TXLNA: variants seen among roughly 807,000 people sequenced by gnomAD.
TXLNA encodes taxilin alpha.
A neutral mutation model predicts 61.4 loss-of-function variants in TXLNA; 9 were observed. The observed-to-expected ratio is 0.15, with a 90% CI of 0.09 to 0.26. The LOEUF is 0.26. Ranked by LOEUF, TXLNA falls within the 10% of genes least tolerant of loss-of-function variation. TXLNA has a pLI of 1.00. For synonymous variants in TXLNA, 257 were observed against 267.7 expected, an observed-to-expected ratio of 0.96 and a Z score of 0.39; for missense variants, 565 against 688.8, an observed-to-expected ratio of 0.82 and a Z score of 2.01.
chr1:32,193,106 A>G (rs576264820), intron 8 of TXLNA, 102 bp from the exon 9 acceptor site: 12 of 779,354 alleles, frequency 1.5e-5, no homozygotes, highest in South Asian at 8.4e-5. Context: ...TAGTATCTCA[A>G]TAGAATTACT....
In TXLNA at chr1:32,190,099, G is replaced by T; in HGVS notation, c.813G>T (p.Lys271Asn). ...CCCGGGAGGAGGAGGAGAAGCGCAA[G>T]GAGGTGACCTCGCACTTCCAGGTGA... ...QRAREEEEKR[K>N]EVTSHFQVTL... The change falls in exon 6 of 11, where the codon AAG (lysine) becomes AAT (asparagine). Residue 271 changes from lysine to asparagine, a missense_variant. By Grantham distance (94) the Lys-to-Asn change is moderately conservative. Transcript: ENST00000373610. 6.3e-7 allele frequency: 1 copy of T among 1,591,766 alleles called. No homozygotes were observed. The highest frequency in any genetic ancestry group is 1.3e-5 in the African/African-American group (1 of 74,880).
In TXLNA at chr1:32,192,331, A is replaced by C; in HGVS notation, c.984A>C (p.Lys328Asn). 6.2e-7 allele frequency: 1 copy of C among 1,614,184 alleles called. No homozygotes were observed. The highest frequency in any genetic ancestry group is 8.5e-7 in the Non-Finnish European group (1 of 1,180,006). Residue 328 changes from lysine to asparagine, a missense_variant, in exon 7 of 11, where the codon AAA (lysine) becomes AAC (asparagine). Transcript: ENST00000373610. The surrounding 1 kb of genome is among the most constrained non-coding windows in gnomAD (Gnocchi z 4.2). The part of the protein sequence containing the change: ...LREEHIDKVF[K>N]HKDLQQQLVD... The stretch of plus-strand genomic sequence containing the variant: ...TGCAGCATATCGACAAAGTCTTCAA[A>C]CACAAGGACCTACAACAGCAGCTGG...
intron 5 of TXLNA, 133 bp downstream of exon 5, chr1:32,188,257 ATCT>A (rs926340125): frequency 4.1e-5 from 38 of 918,958 alleles, no homozygotes; most frequent in Middle Eastern, 3.5e-4. Context: ...GTGATTAAAA[ATCT>A]TCTGGCCACT....
In TXLNA at chr1:32,192,214, TGGG is replaced by T. The variant is rs1295314460; in HGVS notation, c.964-93_964-91del. The T allele has an allele frequency of 6.5e-7, 1 of 1,535,214 alleles. No individual in the cohort carries two copies. The highest frequency in any genetic ancestry group is 8.8e-7 in the Non-Finnish European group (1 of 1,130,148). ...GGGAGTCCATCATATCAGATTGAGA[TGGG>T]GGGCTGGGCAAAGTGCCCTGGTCTG... On this transcript the variant is annotated intron_variant, in intron 6 of 10. Transcript: ENST00000373610. This position sits in a 1 kb window ranked among gnomAD's most constrained non-coding sequence, Gnocchi z 4.2.
chr1:32,193,447 G>T, intron 9 of TXLNA, 147 bp downstream of exon 9: 1 of 662,690 alleles, frequency 1.5e-6, no homozygotes, highest in South Asian at 1.7e-5. Flanking sequence ...TCTTGAGGCA[G>T]TATCAGTGGT....
intron 3 of TXLNA, among the ~76,000 whole-genome samples, chr1:32,181,941 A>G (rs1372549951): frequency 6.6e-6 from 1 of 152,076 alleles, no homozygotes; most frequent in Non-Finnish European, 1.5e-5. Flanking sequence ...CTTTACAGTA[A>G]GAAAATTAGA....
intron 3 of TXLNA, among the ~76,000 whole-genome samples, chr1:32,183,170 C>T (rs1332051999): frequency 1.3e-5 from 2 of 151,766 alleles, no homozygotes; most frequent in Non-Finnish European, 2.9e-5. Flanking sequence ...GTCACCCAAG[C>T]TGGAGTGCAC....
At position 32,181,396 on chromosome 1, in the gene TXLNA, A is replaced by C. The variant is rs145256778; in HGVS notation, c.324A>C (p.Glu108Asp). 1.2e-4 allele frequency: 189 copies of C among 1,614,110 alleles called. No homozygotes were observed. The highest frequency in any genetic ancestry group is 1.5e-4 in the Non-Finnish European group (181 of 1,180,050). ...CACAGGGTGAGCCGGCTGAACCCGA[A>C]GATGCAGAGAAGTCCCGGACCTATG... ...DGAQGEPAEPEDAEKSRTYVA... is the reference protein window; with the variant it reads ...DGAQGEPAEPDDAEKSRTYVA... Residue 108 changes from glutamate (E) to aspartate (D), a missense_variant, in exon 3 of 11, where the codon GAA becomes GAC. Transcript: ENST00000373610.
Position 32,180,354 on chromosome 1 carries a change from C to A in TXLNA, c.9C>A (p.Asn3Lys). 1 of 1,611,266 alleles carries A rather than the reference C, an allele frequency of 6.2e-7. No individual in the cohort carries two copies. The highest frequency in any genetic ancestry group is 2.2e-5 in the East Asian group (1 of 44,846). The stretch of plus-strand genomic sequence containing the variant: ...CAGCATCGCTCATCACAATGAAGAA[C>A]CAAGACAAAAAGAACGGGGCTGCCA... MKNQDKKNGAAKQ... is the reference protein window; with the variant it reads MKKQDKKNGAAKQ... The change falls in exon 2 of 11, where the codon AAC becomes AAA. Residue 3 changes from asparagine to lysine, a missense_variant. By Grantham distance (94) the Asn-to-Lys change is moderately conservative (BLOSUM62 0). Around this residue, in one of 2 missense-constraint regions of TXLNA, gnomAD observed 192 missense variants for 184.8 expected, o/e 1.04. Transcript: ENST00000373610.
intron 9 of TXLNA, 37 bp from the exon 10 acceptor site, chr1:32,194,028 G>A (rs763610940): frequency 2.5e-6 from 4 of 1,571,828 alleles, no homozygotes. Context: ...GGAGAGGCCA[G>A]CTCTGACCAT....
chr1:32,194,223 C>A, intron 10 of TXLNA, 63 bp downstream of exon 10: 1 of 1,327,838 alleles, frequency 7.5e-7, no homozygotes, highest in Non-Finnish European at 1.1e-6. Flanking sequence ...CAGGCCCTTT[C>A]CTGTATGTTC....
intron 1 of TXLNA, 145 bp from the exon 2 acceptor site, chr1:32,180,169 A>G (rs1002167898): frequency 9.1e-5 from 74 of 814,788 alleles, no homozygotes; most frequent in Non-Finnish European, 1.3e-4. Flanking sequence ...TGACCCGCCA[A>G]GACCAGAGAG....
chr1:32,196,963 C>T lies in TXLNA; in HGVS notation c.*1768C>T, dbSNP rs1643039471. ...CTATTCTCTGGTGTATCCTTCACAT[C>T]TAGGTGCCCTCAAGCAGCTGTGTGA... On this transcript the variant is annotated 3_prime_UTR_variant, in exon 11 of 11. Transcript: ENST00000373610. The T allele has an allele frequency of 6.6e-6, 1 of 152,278 alleles. No individual in the cohort carries two copies. Among genetic ancestry groups the T allele is most frequent in the African/African-American group, 2.4e-5 (1 of 41,474 alleles). 9.4% of individuals were successfully genotyped at this position (152,278 alleles called of 1,614,324 possible).
Position 32,195,105 on chromosome 1 carries a change from G to C in TXLNA, c.1551G>C (p.Arg517Ser). ...GGGCTCAAGCACCCAGCTCCCCCAG[G>C]GTCACAGAAGCGCCTTGCTACCCAG... ...GPGAQAPSSP[R>S]VTEAPCYPGA... Residue 517 changes from arginine (R) to serine (S), a missense_variant, in exon 11 of 11, where the codon AGG becomes AGC. By Grantham distance (110) the Arg-to-Ser change is moderately radical. Around this residue, in one of 2 missense-constraint regions of TXLNA, gnomAD observed 373 missense variants for 504.0 expected, o/e 0.74. Coordinates refer to ENST00000373610, the MANE Select transcript of TXLNA (RefSeq NM_175852.4). The C allele has an allele frequency of 1.2e-6, 2 of 1,614,102 alleles. No homozygotes were observed. Among genetic ancestry groups the C allele is most frequent in the Non-Finnish European group, 1.7e-6 (2 of 1,179,988 alleles).
intron 5 of TXLNA, among the ~76,000 whole-genome samples, chr1:32,189,631 G>A (rs748377910): frequency 1.3e-5 from 2 of 150,758 alleles, no homozygotes; most frequent in East Asian, 1.9e-4. Flanking sequence ...CACAACCTCC[G>A]CCTCCCAGGT....
chr1:32,192,311 C>T lies in TXLNA; in HGVS notation c.964C>T (p.His322Tyr). 1 of 1,613,814 alleles carries T rather than the reference C, an allele frequency of 6.2e-7. No homozygotes were observed. Among genetic ancestry groups the T allele is most frequent in the Non-Finnish European group, 8.5e-7 (1 of 1,179,738 alleles). Residue 322 changes from histidine (H) to tyrosine (Y), a missense_variant and splice_region_variant, in exon 7 of 11, where the codon CAT becomes TAT. Coordinates refer to ENST00000373610, the MANE Select transcript of TXLNA (RefSeq NM_175852.4). The surrounding 1 kb of genome is among the most constrained non-coding windows in gnomAD (Gnocchi z 4.2). ...ACTGCTCCCACCATCTTTGTTGCAGCATATCGACAAAGTCTTCAAACACAA... is the reference window on the plus strand; with the variant it reads ...ACTGCTCCCACCATCTTTGTTGCAGTATATCGACAAAGTCTTCAAACACAA... Reference protein sequence around the residue: ...LIEQYELREEHIDKVFKHKDL... With the variant: ...LIEQYELREEYIDKVFKHKDL...
chr1:32,186,678 C>T (rs891675104), intron 4 of TXLNA, among the ~76,000 whole-genome samples: 5 of 152,122 alleles, frequency 3.3e-5, no homozygotes, highest in Non-Finnish European at 7.4e-5. Context: ...GGGTAAGAGA[C>T]TTTCTGAGGA....
chr1:32,191,021 G>A (rs1260520696), intron 6 of TXLNA, among the ~76,000 whole-genome samples: 1 of 151,230 alleles, frequency 6.6e-6, no homozygotes, highest in African/African-American at 2.4e-5. Context: ...TTGAACCCAG[G>A]AGGCAGAGGT....
intron 10 of TXLNA, 130 bp from the exon 11 acceptor site, chr1:32,194,772 C>G (rs1642980577): frequency 9.0e-7 from 1 of 1,116,910 alleles, no homozygotes. Flanking sequence ...TCAACTAGGA[C>G]TGTTTCCTAG....
Sources: gnomAD v4.1 joint callset for allele counts (sites outside exome capture counted in the v4.1 genomes callset) on GRCh38, gnomAD v4.1.1 for gene constraint, gnomAD v4.1.1 regional missense constraint, Gnocchi (gnomAD v3.1) non-coding constraint, MANE v1.5 for transcripts, NCBI Gene and HGNC (gene_info 2026-07-23, HGNC 2026-07-21) for gene names.